Variants in ABCA8 observed in about 807,000 individuals in gnomAD.
ABCA8 encodes the protein ABC-type organic anion transporter ABCA8.
A neutral mutation model predicts 192.3 loss-of-function variants in ABCA8; 177 were observed. That is an observed-to-expected ratio of 0.92 (90% CI 0.81 to 1.04). ABCA8 has a LOEUF of 1.04. Among genes scored for constraint, ABCA8 ranks in the 50% least tolerant of loss-of-function variants. The probability of loss-of-function intolerance (pLI) is 0.00; values close to 1 mark genes in which losing one functional copy is unlikely to be tolerated. For missense variants in ABCA8, 1,915 were observed against 1,904.8 expected (o/e 1.01, Z -0.10); for synonymous variants, 642 against 690.2 (o/e 0.93, Z 1.09).
intron 2 of ABCA8, among the ~76,000 whole-genome samples, chr17:68,943,716 G>A (rs2068297687): frequency 6.6e-6 from 1 of 152,132 alleles, no homozygotes. Context: ...GAAAGACATG[G>A]CTACTATAAA....
chr17:68,867,729 T>C lies in ABCA8; in HGVS notation c.*356A>G. 1 of 158,082 alleles carries C rather than the reference T, an allele frequency of 6.3e-6. No homozygotes were observed. The highest frequency in any genetic ancestry group is 1.4e-5 in the Non-Finnish European group (1 of 72,132). The allele number at this position is 158,082 out of a possible 1,614,324, so 9.8% of individuals were successfully genotyped here. A position where few individuals can be genotyped will look rare whatever the true frequency, so the allele number is the denominator to read the frequency against. On this transcript the variant is annotated 3_prime_UTR_variant, in exon 40 of 40. Transcript: ENST00000586539. ...GTAAACATGAATTTCTCAGTCTAGGTTAGAAAAAAAGTGTTTTAAGATTTT... is the reference window on the plus strand; with the variant it reads ...GTAAACATGAATTTCTCAGTCTAGGCTAGAAAAAAAGTGTTTTAAGATTTT...
chr17:68,921,387 G>A lies in ABCA8; in HGVS notation c.1607C>T (p.Thr536Ile), dbSNP rs762535147. Residue 536 changes from threonine to isoleucine, a missense_variant, in exon 13 of 40, where the codon ACC (threonine) becomes ATC (isoleucine). By Grantham distance (89) the Thr-to-Ile change is moderately conservative. Transcript: ENST00000586539. ...LNILSGLSVPTKGSVTIYNNK... is the reference protein window; with the variant it reads ...LNILSGLSVPIKGSVTIYNNK... ...GAAAACAAACTAGTTTGTACCTTTG[G>A]TGGGAACAGACAACCCACTAAGAAT... is the stretch of plus-strand genomic sequence containing the variant. The A allele has an allele frequency of 3.7e-6, 6 of 1,605,384 alleles. No individual in the cohort carries two copies. Among genetic ancestry groups the A allele is most frequent in the African/African-American group, 1.3e-5 (1 of 74,626 alleles).
intron 1 of ABCA8, among the ~76,000 whole-genome samples, chr17:68,954,274 C>T (rs570617923): frequency 6.7e-6 from 1 of 148,772 alleles, no homozygotes; most frequent in Admixed American, 6.8e-5. Flanking sequence ...AGCTTCTCTA[C>T]AGAAATGCAT....
chr17:68,924,930 C>A (rs1350672893), intron 10 of ABCA8, 61 bp from the exon 11 acceptor site: 2 of 1,550,864 alleles, frequency 1.3e-6, no homozygotes, highest in Non-Finnish European at 1.8e-6. Context: ...GAGAGAGTCA[C>A]AGTAATGTAG....
chr17:68,934,906 T>G (rs1272043394), intron 5 of ABCA8, among the ~76,000 whole-genome samples: 2 of 152,170 alleles, frequency 1.3e-5, no homozygotes, highest in Admixed American at 1.3e-4. Flanking sequence ...TGGTTGCTAA[T>G]GAGGAAAAAC....
At chr17:68,954,006 A>G (rs931158735) in intron 1 of ABCA8, among the ~76,000 whole-genome samples, 1 of 151,130 alleles carries the variant, frequency 6.6e-6, no homozygotes, top group Non-Finnish European at 1.5e-5. Flanking sequence ...CGCCAATGCA[A>G]GCTCTGTACA....
chr17:68,899,109 A>C (rs2066840005), intron 21 of ABCA8, among the ~76,000 whole-genome samples: 2 of 152,074 alleles, frequency 1.3e-5, no homozygotes, highest in Non-Finnish European at 2.9e-5. Flanking sequence ...AAATCGTTAA[A>C]ATAATTAAAT....
intron 17 of ABCA8, among the ~76,000 whole-genome samples, chr17:68,908,531 A>G (rs374993051): frequency 6.6e-6 from 1 of 152,196 alleles, no homozygotes; most frequent in Non-Finnish European, 1.5e-5. Flanking sequence ...ATAATTATCA[A>G]TAGTAGTAAG....
At chr17:68,943,858 G>A (rs754606844) in intron 2 of ABCA8, among the ~76,000 whole-genome samples, 1 of 151,874 alleles carries the variant, frequency 6.6e-6, no homozygotes, top group Non-Finnish European at 1.5e-5. Flanking sequence ...GCTTCACCTA[G>A]TATTCATTAA....
chr17:68,918,279 G>A, intron 15 of ABCA8, 94 bp from the exon 16 acceptor site: 2 of 1,527,866 alleles, frequency 1.3e-6, no homozygotes, highest in Non-Finnish European at 1.8e-6. Flanking sequence ...ATTTAACAGA[G>A]TATTACGGTT....
chr17:68,905,095 G>T (rs1029371218), intron 19 of ABCA8, among the ~76,000 whole-genome samples: 1 of 152,210 alleles, frequency 6.6e-6, no homozygotes. Flanking sequence ...CTGTGCAAAA[G>T]CCCAGGCACT....
chr17:68,910,944 C>T (rs978545391), intron 17 of ABCA8, among the ~76,000 whole-genome samples: 4 of 152,230 alleles, frequency 2.6e-5, no homozygotes, highest in Non-Finnish European at 5.9e-5. Context: ...AGTAGCCAGG[C>T]AGTACTTGCC....
intron 24 of ABCA8, among the ~76,000 whole-genome samples, chr17:68,889,679 T>C (rs959188848): frequency 6.6e-6 from 1 of 152,098 alleles, no homozygotes; most frequent in African/African-American, 2.4e-5. Context: ...CCATGATCCT[T>C]TGCAGTCAAT....
chr17:68,903,380 G>A lies in ABCA8; in HGVS notation c.2518C>T (p.Leu840Phe), dbSNP rs1260356044. ...ATTGCGCAGATTTGCTGTCGCCAGA[G>A]AGCCACACCACCTATTGTCTTTCTC... ...KMRKTIGGVA[L>F]WRQQICAIAR... The change falls in exon 20 of 40, where the codon CTC (leucine) becomes TTC (phenylalanine). Residue 840 changes from leucine to phenylalanine, a missense_variant. By Grantham distance (22) the Leu-to-Phe change is conservative (BLOSUM62 0). Transcript: ENST00000586539. 1 of 1,614,164 alleles carries A rather than the reference G, an allele frequency of 6.2e-7. No homozygotes were observed. Among genetic ancestry groups the A allele is most frequent in the Non-Finnish European group, 8.5e-7 (1 of 1,180,034 alleles).
rs919876137 is a variant in ABCA8, at chr17:68,922,296, T to G, written c.1447A>C (p.Arg483=). The change falls in exon 12 of 40, where the codon AGA becomes CGA. Residue 483 remains arginine, a synonymous_variant. Transcript: ENST00000586539. ...CCTTTATATTCTTTTGTAACATTTC[T>G]GATTCTGAAAAAAAGAAAAGATACT... is the stretch of plus-strand genomic sequence containing the variant. ...EFQGKEAIRI[R]NVTKEYKGKP... is the part of the protein sequence containing the mutation. 4 of 1,257,446 alleles carry G rather than the reference T, an allele frequency of 3.2e-6. No individual in the cohort carries two copies. The highest frequency in any genetic ancestry group is 4.2e-6 in the Non-Finnish European group (4 of 946,622). The allele number at this position is 1,257,446 out of a possible 1,614,324, so 77.9% of individuals were successfully genotyped here.
chr17:68,882,033 T>C (rs1162422501), intron 30 of ABCA8, 53 bp from the exon 31 acceptor site: 1 of 1,475,708 alleles, frequency 6.8e-7, no homozygotes, highest in African/African-American at 1.4e-5. Flanking sequence ...CCATTAGCTT[T>C]GAAACAAAAT....
chr17:68,907,937 A>G, intron 17 of ABCA8, 58 bp from the exon 18 acceptor site: 1 of 1,452,740 alleles, frequency 6.9e-7, no homozygotes, highest in South Asian at 1.6e-5. Flanking sequence ...TCCAATAGCA[A>G]GAAAATAATT....
chr17:68,930,151 G>T (rs908299452), intron 7 of ABCA8, among the ~76,000 whole-genome samples: 6 of 152,072 alleles, frequency 3.9e-5, no homozygotes, highest in Non-Finnish European at 7.4e-5. Context: ...TAAGATGATG[G>T]CTATGTAGGG....
chr17:68,933,381 C>A, intron 5 of ABCA8, 110 bp from the exon 6 acceptor site: 2 of 640,910 alleles, frequency 3.1e-6, no homozygotes, highest in Non-Finnish European at 5.4e-6. Flanking sequence ...ACCCCAAATT[C>A]CAAATGTTCT....
Sources: allele counts gnomAD v4.1 joint callset (sites outside exome capture counted in the v4.1 genomes callset), GRCh38; gene constraint gnomAD v4.1.1; transcripts MANE v1.5; gene names NCBI Gene and HGNC (gene_info 2026-07-23, HGNC 2026-07-21).